CEP85L: variants seen among roughly 807,000 people sequenced by gnomAD.
CEP85L encodes centrosomal protein 85L, also known as centrosomal protein of 85 kDa-like.
In CEP85L, 60 loss-of-function variants were observed where a neutral mutation model predicts 100.3. The observed-to-expected ratio is 0.60, with a 90% confidence interval of 0.49 to 0.74. CEP85L has a LOEUF of 0.74. CEP85L is among the 30% of genes least tolerant of loss of function. The probability of loss-of-function intolerance (pLI) is 0.00; values close to 1 mark genes in which losing one functional copy is unlikely to be tolerated. For missense variants in CEP85L, 973 were observed against 936.2 expected, an observed-to-expected ratio of 1.04 and a Z score of -0.51; for synonymous variants, 319 against 322.7, an observed-to-expected ratio of 0.99 and a Z score of 0.12.
chr6:118,518,876 A>C (rs9374735), intron 4 of CEP85L, among the ~76,000 whole-genome samples: 32,816 of 152,122 alleles, frequency 0.22, 4,662 homozygotes, highest in East Asian at 0.61. Flanking sequence ...TTAGTGCCAG[A>C]AATTTCCCTC....
intron 1 of CEP85L, among the ~76,000 whole-genome samples, chr6:118,669,204 A>G (rs1260333808): frequency 6.6e-6 from 1 of 152,238 alleles, no homozygotes; most frequent in African/African-American, 2.4e-5. Flanking sequence ...CATGTCTGTC[A>G]GGGACTCCAG....
intron 2 of CEP85L, among the ~76,000 whole-genome samples, chr6:118,568,097 G>A (rs1034601325): frequency 6.6e-6 from 1 of 152,162 alleles, no homozygotes; most frequent in African/African-American, 2.4e-5. Flanking sequence ...AAATGGACTC[G>A]GTGTGGAGCT....
At chr6:118,503,042 C>T (rs976894116) in intron 5 of CEP85L, 43 of 214,044 alleles carry the variant, frequency 2.0e-4, no homozygotes, top group Non-Finnish European at 2.9e-4. Flanking sequence ...AATTAAACTT[C>T]GGAACAGTGA....
At chr6:118,595,779 T>C (rs1781431728) in intron 2 of CEP85L, among the ~76,000 whole-genome samples, 1 of 152,202 alleles carries the variant, frequency 6.6e-6, no homozygotes, top group African/African-American at 2.4e-5. Context: ...ATCAGTCTTT[T>C]AAGAATTTAA....
chr6:118,502,812 A>G (rs11967375), intron 5 of CEP85L: 213,610 of 606,456 alleles, frequency 0.35, 42,365 homozygotes, highest in Non-Finnish European at 0.41. Flanking sequence ...GTAAGCATGT[A>G]TGGAGTTCAA....
intron 1 of CEP85L, among the ~76,000 whole-genome samples, chr6:118,706,792 T>C (rs10499088): frequency 0.19 from 29,669 of 152,162 alleles, 3,779 homozygotes; most frequent in Non-Finnish European, 0.28. Flanking sequence ...AGGGAACTTT[T>C]CTCTCCAATC....
intron 5 of CEP85L, among the ~76,000 whole-genome samples, chr6:118,506,655 C>G (rs778939694): frequency 4.6e-5 from 7 of 152,114 alleles, no homozygotes; most frequent in Non-Finnish European, 1.0e-4. Context: ...AAGCAGACAT[C>G]ATTCTCCTAT....
At chr6:118,681,060 A>C (rs1304279019) in intron 1 of CEP85L, among the ~76,000 whole-genome samples, 1 of 152,254 alleles carries the variant, frequency 6.6e-6, no homozygotes. Flanking sequence ...CTGGGTTGAC[A>C]GTACACAAGA....
rs1300984923 is a variant in CEP85L at position 118,511,329 on chromosome 6, T to A, written c.1226A>T (p.Asn409Ile). Reference protein sequence around the residue: ...AQHAMLGHYVNCEDSYVASLQ... With the variant: ...AQHAMLGHYVICEDSYVASLQ... ...ACTAGCCACATAAGAATCCTCACAA[T>A]TTACATAATGTCCTAACATGGCATG... The change falls in exon 5 of 13, where the codon AAT (asparagine) becomes ATT (isoleucine). Residue 409 changes from asparagine (N) to isoleucine (I), a missense_variant. This residue lies in a region of CEP85L where 890 missense variants were observed against 844.5 expected (regional missense o/e 1.05). Transcript: ENST00000368491. 3.1e-6 allele frequency: 5 copies of A among 1,612,560 alleles called. No homozygotes were observed. Among genetic ancestry groups the A allele is most frequent in the Non-Finnish European group, 4.2e-6 (5 of 1,178,992 alleles).
intron 4 of CEP85L, among the ~76,000 whole-genome samples, chr6:118,519,709 C>T (rs928708517): frequency 6.6e-6 from 1 of 151,516 alleles, no homozygotes; most frequent in African/African-American, 2.4e-5. Context: ...CCTTTCAATA[C>T]AGAAAGATCA....
intron 10 of CEP85L, among the ~76,000 whole-genome samples, chr6:118,476,317 G>T (rs570958967): frequency 6.6e-6 from 1 of 151,326 alleles, no homozygotes; most frequent in Non-Finnish European, 1.5e-5. Flanking sequence ...TTCATAGAAG[G>T]CATTTGGCTG....
chr6:118,498,099 T>G (rs1775035715), intron 5 of CEP85L, among the ~76,000 whole-genome samples: 1 of 152,196 alleles, frequency 6.6e-6, no homozygotes, highest in Non-Finnish European at 1.5e-5. Context: ...AGACTTGGAT[T>G]AGTTATAAAT....
chr6:118,480,264 A>T (rs1773678392), intron 9 of CEP85L, 132 bp downstream of exon 9: 2 of 521,708 alleles, frequency 3.8e-6, no homozygotes, highest in Non-Finnish European at 6.6e-6. Flanking sequence ...AAAAACATTC[A>T]AACTAGAAAC....
chr6:118,613,757 C>CA (rs370753175), intron 2 of CEP85L, among the ~76,000 whole-genome samples: 31 of 102,644 alleles, frequency 3.0e-4, no homozygotes, highest in Non-Finnish European at 4.7e-4. Context: ...ATCTGTGTCT[C>CA]AAAAAAAAAA....
chr6:118,537,112 T>C (rs903132520), intron 3 of CEP85L, among the ~76,000 whole-genome samples: 1 of 152,202 alleles, frequency 6.6e-6, no homozygotes, highest in African/African-American at 2.4e-5. Context: ...TATGCTGTTC[T>C]ACTTAGAATT....
At chr6:118,556,672 A>G (rs1298158598) in intron 3 of CEP85L, among the ~76,000 whole-genome samples, 3 of 152,148 alleles carry the variant, frequency 2.0e-5, no homozygotes, top group Admixed American at 1.3e-4. Context: ...ATAAAATCTG[A>G]CACCTGGGGT....
At chr6:118,639,170 C>T (rs1774702697) in intron 1 of CEP85L, among the ~76,000 whole-genome samples, 1 of 152,156 alleles carries the variant, frequency 6.6e-6, no homozygotes, top group Non-Finnish European at 1.5e-5. Flanking sequence ...CATGTTTACC[C>T]TTATATTACA....
intron 2 of CEP85L, among the ~76,000 whole-genome samples, chr6:118,580,525 T>C (rs1780512371): frequency 6.6e-6 from 1 of 152,242 alleles, no homozygotes; most frequent in African/African-American, 2.4e-5. Flanking sequence ...AAGACTCAGA[T>C]GTGAGGCTTG....
Position 118,514,015 on chromosome 6 carries a change from T to C in CEP85L, c.1140-2600A>G, listed in dbSNP as rs183970526. ...GCTAGAAGAGAAAAAAATGGAACTA[T>C]GCTTTATAAGATTCTTACATTATAC... On this transcript the variant is annotated intron_variant, in intron 4 of 12. Transcript: ENST00000368491. Among the ~76,000 whole-genome samples the C allele has an allele frequency of 3.2e-3, 494 of 152,294 alleles. 3 individuals carry two copies. Among genetic ancestry groups the C allele is most frequent in the Middle Eastern group, 0.01 (3 of 294 alleles).
Sources: gnomAD v4.1 joint callset for allele counts (sites outside exome capture counted in the v4.1 genomes callset) on GRCh38, gnomAD v4.1.1 for gene constraint, gnomAD v4.1.1 regional missense constraint, MANE v1.5 for transcripts, NCBI Gene and HGNC (gene_info 2026-07-23, HGNC 2026-07-21) for gene names.